TMEM182: variants seen among roughly 807,000 people sequenced by gnomAD.
TMEM182 encodes transmembrane protein 182.
TMEM182 carries 20 observed loss-of-function variants against 26.8 expected under a neutral mutation model. That is an observed-to-expected ratio of 0.75 (90% CI 0.53 to 1.09). TMEM182 has a LOEUF of 1.09. Among genes scored for constraint, TMEM182 ranks in the 50% least tolerant of loss-of-function variants. The probability of loss-of-function intolerance (pLI) is 0.00; values close to 1 mark genes in which losing one functional copy is unlikely to be tolerated. For missense variants in TMEM182, 277 were observed against 275.5 expected (o/e 1.01, Z -0.04); for synonymous variants, 109 against 102.2 (o/e 1.07, Z -0.40).
At chr2:102,838,730 G>T (rs187759998) in intron 3 of TMEM182, among the ~76,000 whole-genome samples, 2 of 152,122 alleles carry the variant, frequency 1.3e-5, no homozygotes, top group Admixed American at 1.3e-4. Flanking sequence ...GGTTCTGTGG[G>T]GTAATTGGTG....
intron 4 of TMEM182, among the ~76,000 whole-genome samples, chr2:102,811,256 CT>C (rs2104752529): frequency 6.6e-6 from 1 of 152,044 alleles, no homozygotes; most frequent in Admixed American, 6.6e-5. Flanking sequence ...AGTTTAGGCT[CT>C]GTATTTTTGG....
chr2:102,836,850 G>C (rs1030059745), intron 3 of TMEM182, among the ~76,000 whole-genome samples: 22 of 152,184 alleles, frequency 1.4e-4, no homozygotes, highest in Non-Finnish European at 3.1e-4. Flanking sequence ...AATAGAAAGC[G>C]TTCAGTCCTT....
upstream of TMEM182, chr2:102,757,318 A>G (rs1177410535): frequency 6.6e-6 from 1 of 152,202 alleles, no homozygotes; most frequent in African/African-American, 2.4e-5. Flanking sequence ...TTAGGAAATT[A>G]ACATTGTCGT....
intron 1 of TMEM182, among the ~76,000 whole-genome samples, chr2:102,748,023 C>T (rs1265729644): frequency 2.0e-5 from 3 of 152,072 alleles, no homozygotes. Flanking sequence ...TAGCTTTTTT[C>T]CCTATGGTGA....
At chr2:102,818,977 G>A (rs929667177), downstream of TMEM182, among the ~76,000 whole-genome samples, 23 of 152,156 alleles carry the variant, frequency 1.5e-4, no homozygotes, top group Admixed American at 5.9e-4. Context: ...CATCCTGCAC[G>A]GATTCTGAAT....
chr2:102,766,554 T>C (rs1047488340), intron 3 of TMEM182, among the ~76,000 whole-genome samples: 3 of 152,188 alleles, frequency 2.0e-5, no homozygotes, highest in Non-Finnish European at 4.4e-5. Flanking sequence ...AAATTTGATA[T>C]TATCTTTGTT....
chr2:102,769,792 G>A (rs1573511363), intron 3 of TMEM182, among the ~76,000 whole-genome samples: 1 of 152,178 alleles, frequency 6.6e-6, no homozygotes, highest in African/African-American at 2.4e-5. Flanking sequence ...TTGCCAACTG[G>A]TACTAAACTG....
At chr2:102,828,752 A>G (rs1003483357) in intron 3 of TMEM182, among the ~76,000 whole-genome samples, 24 of 152,204 alleles carry the variant, frequency 1.6e-4, no homozygotes, top group Admixed American at 6.5e-4. Flanking sequence ...GGCTAGATGA[A>G]TGACAGCATG....
At chr2:102,747,658 C>G (rs182896578) in intron 1 of TMEM182, among the ~76,000 whole-genome samples, 4 of 151,890 alleles carry the variant, frequency 2.6e-5, no homozygotes, top group African/African-American at 9.7e-5. Context: ...ATAAAAAAAA[C>G]AACAACAGGA....
In TMEM182 at chr2:102,816,510, C is replaced by CAATAATGAT. The variant is rs1553444488; in HGVS notation, c.*1548_*1549insGATAATAAT. The CAATAATGAT allele has an allele frequency of 3.4e-6, 3 of 875,124 alleles. No homozygotes were observed. Among genetic ancestry groups the CAATAATGAT allele is most frequent in the African/African-American group, 1.9e-5 (1 of 52,062 alleles). 54.2% of individuals were successfully genotyped at this position (875,124 alleles called of 1,614,324 possible). ...AGGGCATTTTCATGACAGGACTTGC[C>CAATAATGAT]AATAATAATAATAATAATAATAATA... is the stretch of plus-strand genomic sequence containing the variant. On this transcript the variant is annotated 3_prime_UTR_variant, in exon 5 of 5. Transcript: ENST00000412401.
At chr2:102,812,191 AT>A (rs1404383687) in intron 4 of TMEM182, among the ~76,000 whole-genome samples, 1 of 152,188 alleles carries the variant, frequency 6.6e-6, no homozygotes, top group Non-Finnish European at 1.5e-5. Context: ...AGTCAGAAAC[AT>A]GGCTCCCATT....
Position 102,797,881 on chromosome 2 carries a change from C to A in TMEM182, c.350C>A (p.Ala117Glu). ...DSAVIYRGFW[A>E]VLMLLGVVAV... Reference sequence around the variant, plus strand: ...TCTCCAGTTTACCGTGGTTTCTGGGCAGTCCTGATGCTCCTGGGGGTAGTT... The same window carrying A: ...TCTCCAGTTTACCGTGGTTTCTGGGAAGTCCTGATGCTCCTGGGGGTAGTT... Residue 117 changes from alanine (A) to glutamate (E), a missense_variant, in exon 4 of 5, where the codon GCA (alanine) becomes GAA (glutamate). By Grantham distance (107) the Ala-to-Glu change is moderately radical. Transcript: ENST00000412401. 1 of 1,613,468 alleles carries A rather than the reference C, an allele frequency of 6.2e-7. No individual in the cohort carries two copies. Among genetic ancestry groups the A allele is most frequent in the Non-Finnish European group, 8.5e-7 (1 of 1,179,822 alleles).
chr2:102,831,913 T>G (rs1683157205), intron 3 of TMEM182, among the ~76,000 whole-genome samples: 1 of 152,204 alleles, frequency 6.6e-6, no homozygotes, highest in African/African-American at 2.4e-5. Flanking sequence ...GCATTCTCCT[T>G]GTGACAATGT....
chr2:102,820,401 A>G (rs1682895912), downstream of TMEM182, among the ~76,000 whole-genome samples: 1 of 152,234 alleles, frequency 6.6e-6, no homozygotes, highest in Admixed American at 6.5e-5. Context: ...TTATTCTTCA[A>G]ACTGAGATTC....
intron 4 of TMEM182, among the ~76,000 whole-genome samples, chr2:102,800,401 T>C (rs1013243851): frequency 2.0e-5 from 3 of 152,212 alleles, no homozygotes; most frequent in Non-Finnish European, 4.4e-5. Flanking sequence ...TGGACTTTTG[T>C]GTCTGGCTTT....
intron 4 of TMEM182, among the ~76,000 whole-genome samples, chr2:102,809,649 T>C (rs1199204369): frequency 6.6e-6 from 1 of 152,202 alleles, no homozygotes; most frequent in African/African-American, 2.4e-5. Flanking sequence ...ACGTTTGACC[T>C]TGGTGGACAA....
intron 3 of TMEM182, among the ~76,000 whole-genome samples, chr2:102,780,447 A>C (rs910725362): frequency 7.9e-5 from 12 of 152,100 alleles, no homozygotes; most frequent in Admixed American, 2.6e-4. Context: ...GCAAGACCTC[A>C]TTACAGCTCT....
intron 4 of TMEM182, among the ~76,000 whole-genome samples, chr2:102,812,600 T>A (rs900284560): frequency 6.6e-6 from 1 of 152,224 alleles, no homozygotes; most frequent in Non-Finnish European, 1.5e-5. Context: ...GTTAATTCTT[T>A]CCTATTAAAA....
intron 3 of TMEM182, among the ~76,000 whole-genome samples, chr2:102,774,729 T>C (rs954842175): frequency 6.6e-6 from 1 of 152,216 alleles, no homozygotes; most frequent in African/African-American, 2.4e-5. Flanking sequence ...CTGCATTGAG[T>C]TGCTTTTGCA....
Sources: gnomAD v4.1 joint callset for allele counts (sites outside exome capture counted in the v4.1 genomes callset) on GRCh38, gnomAD v4.1.1 for gene constraint, MANE v1.5 for transcripts, NCBI Gene and HGNC (gene_info 2026-07-23, HGNC 2026-07-21) for gene names.